The following TNNI3K variants were observed in gnomAD, a reference collection of about 807,000 sequenced individuals.
TNNI3K encodes TNNI3 interacting kinase, also known as serine/threonine-protein kinase TNNI3K.
TNNI3K carries 140 observed loss-of-function variants against 114.5 expected under a neutral mutation model. The observed-to-expected ratio is 1.22, with a 90% confidence interval of 1.07 to 1.41. The LOEUF is 1.41. Ranked by LOEUF, TNNI3K falls within the 40% of genes most tolerant of loss-of-function variation. The pLI, the probability that TNNI3K is intolerant of heterozygous loss-of-function variation, is 0.00. For missense variants in TNNI3K, 1,125 were observed against 1,007.6 expected (o/e 1.12, Z -1.58); for synonymous variants, 347 against 347.5 (o/e 1.00, Z 0.02).
Position 74,354,158 on chromosome 1 carries a change from GT to G in TNNI3K, c.1177+30del, listed in dbSNP as rs767706058. 9.9e-6 allele frequency: 16 copies of G among 1,613,184 alleles called. No individual in the cohort carries two copies. In the African/African-American group the frequency reaches 2.1e-4, roughly 22 times the overall value. ...TATTTTTAATCATCGTGTCTCTATA[GT>G]GATACATTGAACTGTGTGCATAGAT... On this transcript the variant is annotated intron_variant, in intron 11 of 24. Coordinates refer to ENST00000326637, the MANE Select transcript of TNNI3K (RefSeq NM_015978.3).
intron 17 of TNNI3K, among the ~76,000 whole-genome samples, chr1:74,387,807 T>A (rs913133834): frequency 6.6e-6 from 1 of 152,150 alleles, no homozygotes; most frequent in African/African-American, 2.4e-5. Context: ...AGGGACAATA[T>A]CTACCTCATA....
chr1:74,298,079 A>G (rs1282157665), intron 5 of TNNI3K, among the ~76,000 whole-genome samples: 4 of 152,190 alleles, frequency 2.6e-5, no homozygotes, highest in African/African-American at 9.6e-5. Context: ...ATCTCATCAA[A>G]TAAGTCAGGT....
Position 74,391,957 on chromosome 1 carries a change from A to ATTTTTTT in TNNI3K, c.1772+21585_1772+21591dup, listed in dbSNP as rs34656417. Among the ~76,000 whole-genome samples, 14 of 93,040 alleles carry ATTTTTTT rather than the reference A, an allele frequency of 1.5e-4. 2 individuals carry two copies. Among genetic ancestry groups the ATTTTTTT allele is most frequent in the African/African-American group, 4.7e-4 (12 of 25,700 alleles). 61.0% of individuals were successfully genotyped at this position (93,040 alleles called of 152,430 possible). On this transcript the variant is annotated intron_variant, in intron 17 of 24. Coordinates refer to ENST00000326637, the MANE Select transcript of TNNI3K (RefSeq NM_015978.3). ...TTGATTTAGGATGGTACAGCTTATT[A>ATTTTTTT]TTTTTTTTTTTTTTTTTTTTTTTTT...
Position 74,480,184 on chromosome 1 carries a change from A to C in TNNI3K, c.2122-9005A>C, listed in dbSNP as rs1372262217. 11 of 717,304 alleles carry C rather than the reference A, an allele frequency of 1.5e-5. 1 individual carries two copies. In the Admixed American group the frequency reaches 2.0e-4, roughly 13 times the overall value. The allele number at this position is 717,304 out of a possible 1,614,324, so 44.4% of individuals were successfully genotyped here. ...AGCCAAGGACAGTCAGCAGGGCCAC[A>C]TCTGGTCCTGGGAGGAGGGGACTTC... On this transcript the variant is annotated intron_variant, in intron 21 of 24. Coordinates refer to ENST00000326637, the MANE Select transcript of TNNI3K (RefSeq NM_015978.3).
rs200998837 is a variant in TNNI3K at position 74,544,095 on chromosome 1, A to G, written c.*113A>G. Reference sequence around the variant, plus strand: ...ATTTTACTCTCAAAGGTCTCCTTAAATTGGGCTTGTTTTTACTTGTCCTAT... The same window carrying G: ...ATTTTACTCTCAAAGGTCTCCTTAAGTTGGGCTTGTTTTTACTTGTCCTAT... On this transcript the variant is annotated 3_prime_UTR_variant, in exon 25 of 25. Transcript: ENST00000326637. The G allele has an allele frequency of 4.2e-6, 5 of 1,199,576 alleles. No homozygotes were observed. Among genetic ancestry groups the G allele is most frequent in the Non-Finnish European group, 5.7e-6 (5 of 874,490 alleles). 74.3% of individuals were successfully genotyped at this position (1,199,576 alleles called of 1,614,324 possible).
chr1:74,465,646 C>G (rs915327565), intron 21 of TNNI3K, among the ~76,000 whole-genome samples: 3 of 152,210 alleles, frequency 2.0e-5, no homozygotes, highest in African/African-American at 7.2e-5. Context: ...AGTGCAGGCG[C>G]ATGATGCAGG....
Position 74,369,024 on chromosome 1 carries a change from A to G in TNNI3K, c.1324A>G (p.Lys442Glu). The change falls in exon 14 of 25, where the codon AAG becomes GAG. Residue 442 changes from lysine (K) to glutamate (E), a missense_variant and splice_region_variant. Physicochemically the swap from Lys to Glu is moderately conservative, Grantham distance 56 (BLOSUM62 1). Coordinates refer to ENST00000326637, the MANE Select transcript of TNNI3K (RefSeq NM_015978.3). ...AAAATGACAATTTCTCTTTGCAGAG[A>G]AGGCAGATATTCTCCTCCTAAGAGC... ...LGKIKSMTKE[K>E]ADILLLRAGL... 1 of 1,595,962 alleles carries G rather than the reference A, an allele frequency of 6.3e-7. No homozygotes were observed. Among genetic ancestry groups the G allele is most frequent in the Non-Finnish European group, 8.5e-7 (1 of 1,173,386 alleles).
chr1:74,401,873 A>T (rs910771946), intron 17 of TNNI3K: 1 of 454,818 alleles, frequency 2.2e-6, no homozygotes, highest in Non-Finnish European at 4.4e-6. Flanking sequence ...GATCACCCAT[A>T]GTATTTGCAT....
intron 5 of TNNI3K, among the ~76,000 whole-genome samples, chr1:74,275,918 G>C (rs1023038385): frequency 3.9e-5 from 6 of 152,048 alleles, no homozygotes; most frequent in Non-Finnish European, 8.8e-5. Context: ...AAGAAAATTA[G>C]AAGAACCAAT....
intron 23 of TNNI3K, among the ~76,000 whole-genome samples, chr1:74,518,856 T>C (rs1472163376): frequency 7.6e-6 from 1 of 131,154 alleles, no homozygotes; most frequent in Non-Finnish European, 1.5e-5. Context: ...TTTTTTATTT[T>C]ATTTTATTTT....
intron 23 of TNNI3K, among the ~76,000 whole-genome samples, chr1:74,496,518 T>C (rs1321961426): frequency 6.6e-6 from 1 of 152,194 alleles, no homozygotes; most frequent in Admixed American, 6.5e-5. Context: ...CATTTACTTT[T>C]CAATTTTTGG....
chr1:74,411,679 A>G (rs761729624), intron 17 of TNNI3K, among the ~76,000 whole-genome samples: 2 of 152,316 alleles, frequency 1.3e-5, no homozygotes, highest in Non-Finnish European at 2.9e-5. Flanking sequence ...GCTGCTTTCT[A>G]AAAGATAGTA....
At chr1:74,490,396 G>C (rs528251544) in intron 22 of TNNI3K, among the ~76,000 whole-genome samples, 105 of 152,288 alleles carry the variant, frequency 6.9e-4, no homozygotes, top group African/African-American at 2.4e-3. Context: ...TTGAAACTTA[G>C]GGTTTGAGTG....
intron 2 of TNNI3K, among the ~76,000 whole-genome samples, chr1:74,239,620 G>A (rs559172068): frequency 7.2e-5 from 11 of 152,068 alleles, no homozygotes; most frequent in Non-Finnish European, 1.5e-4. Flanking sequence ...GATCACTGAT[G>A]TAAACAGTTT....
chr1:74,261,481 A>G (rs553391456), intron 4 of TNNI3K, among the ~76,000 whole-genome samples: 21 of 152,150 alleles, frequency 1.4e-4, no homozygotes, highest in African/African-American at 5.1e-4. Flanking sequence ...TTCTTTTTGT[A>G]CCCTAATGAA....
intron 7 of TNNI3K, among the ~76,000 whole-genome samples, chr1:74,340,345 T>C (rs1375791389): frequency 6.6e-6 from 1 of 152,154 alleles, no homozygotes; most frequent in Non-Finnish European, 1.5e-5. Context: ...CTCAATAAGA[T>C]GCTAAGTTAG....
At chr1:74,235,541 A>C (rs775949886) in intron 1 of TNNI3K, 50 bp downstream of exon 1, 1 of 980,214 alleles carries the variant, frequency 1.0e-6, no homozygotes, top group Non-Finnish European at 1.5e-6. Context: ...TGGTTCAATT[A>C]TAGTTACTGA....
At chr1:74,292,335 C>CT (rs1229697929) in intron 5 of TNNI3K, among the ~76,000 whole-genome samples, 6 of 150,988 alleles carry the variant, frequency 4.0e-5, no homozygotes, top group African/African-American at 9.7e-5. Flanking sequence ...AATATTTAGC[C>CT]TTTTTTTTCT....
intron 17 of TNNI3K, chr1:74,371,526 G>C (rs1420991200): frequency 1.2e-3 from 1 of 806 alleles, no homozygotes; most frequent in Non-Finnish European, 0.038. Context: ...GGTCCTGAAA[G>C]ATGGGTAGTT....
Sources: allele counts gnomAD v4.1 joint callset (sites outside exome capture counted in the v4.1 genomes callset), GRCh38; gene constraint gnomAD v4.1.1; transcripts MANE v1.5; gene names NCBI Gene and HGNC (gene_info 2026-07-23, HGNC 2026-07-21).